EVI5: variants seen among roughly 807,000 people sequenced by gnomAD.
EVI5 encodes ecotropic viral integration site 5.
EVI5 carries 73 observed loss-of-function variants against 112.0 expected under a neutral mutation model. The observed-to-expected ratio is 0.65, with a 90% CI of 0.54 to 0.79. The LOEUF (loss-of-function observed/expected upper bound fraction) is 0.79. Among genes scored for constraint, EVI5 ranks in the 30% least tolerant of loss-of-function variants. The probability of loss-of-function intolerance (pLI) is 0.00; values close to 1 mark genes in which losing one functional copy is unlikely to be tolerated. For missense variants in EVI5, 900 were observed against 968.8 expected (o/e 0.93, Z 0.94); for synonymous variants, 305 against 319.9 (o/e 0.95, Z 0.50).
chr1:92,578,545 A>C (rs1269539056), intron 18 of EVI5, among the ~76,000 whole-genome samples: 7 of 151,980 alleles, frequency 4.6e-5, no homozygotes, highest in South Asian at 4.2e-4. Context: ...GAAACCCCGT[A>C]TCTACTAAAC....
intron 18 of EVI5, among the ~76,000 whole-genome samples, chr1:92,597,042 G>A (rs1474527900): frequency 2.6e-5 from 4 of 152,044 alleles, no homozygotes; most frequent in Admixed American, 2.0e-4. Context: ...CCTCAGTTTT[G>A]AATGAGTGAA....
At chr1:92,757,751 A>G (rs1681163893) in intron 1 of EVI5, among the ~76,000 whole-genome samples, 3 of 151,812 alleles carry the variant, frequency 2.0e-5, no homozygotes, top group African/African-American at 7.3e-5. Flanking sequence ...AAGATACAAA[A>G]ATTAGCCAGG....
chr1:92,527,006 G>A (rs1210866128), intron 19 of EVI5, among the ~76,000 whole-genome samples: 1 of 152,150 alleles, frequency 6.6e-6, no homozygotes, highest in Admixed American at 6.5e-5. Flanking sequence ...CTGTAACTCT[G>A]ACTGTCCCCC....
intron 2 of EVI5, among the ~76,000 whole-genome samples, chr1:92,729,387 C>A (rs140522218): frequency 6.6e-6 from 1 of 152,146 alleles, no homozygotes; most frequent in African/African-American, 2.4e-5. Context: ...TAAGGGGGGA[C>A]TACTATATAG....
At chr1:92,694,634 G>A (rs1670020563) in intron 7 of EVI5, among the ~76,000 whole-genome samples, 1 of 152,198 alleles carries the variant, frequency 6.6e-6, no homozygotes, top group African/African-American at 2.4e-5. Context: ...GGGCAGGGTT[G>A]TGTTCTAGGA....
chr1:92,686,422 A>C (rs1478316223), intron 9 of EVI5, among the ~76,000 whole-genome samples: 2 of 152,214 alleles, frequency 1.3e-5, no homozygotes, highest in Non-Finnish European at 2.9e-5. Flanking sequence ...TTTATGACAA[A>C]CCCATAGCCA....
intron 6 of EVI5, 48 bp downstream of exon 6, chr1:92,697,812 T>A (rs749705677): frequency 1.3e-6 from 2 of 1,501,620 alleles, no homozygotes; most frequent in East Asian, 2.3e-5. Flanking sequence ...GAACAAGATA[T>A]AAAAAATATA....
intron 19 of EVI5, among the ~76,000 whole-genome samples, chr1:92,522,404 A>G (rs966793857): frequency 9.2e-5 from 14 of 152,038 alleles, no homozygotes; most frequent in African/African-American, 1.7e-4. Context: ...TTGGGAGGCC[A>G]AGGCAGAAGG....
intron 19 of EVI5, among the ~76,000 whole-genome samples, chr1:92,555,705 C>G (rs1228732723): frequency 6.6e-6 from 1 of 151,958 alleles, no homozygotes; most frequent in Non-Finnish European, 1.5e-5. Context: ...AAAAAATTAA[C>G]CAGGTGTGGC....
Position 92,633,283 on chromosome 1 carries a change from T to A in EVI5, c.1527+2919A>T, listed in dbSNP as rs574396405. On this transcript the variant is annotated intron_variant, in intron 14 of 19. Transcript: ENST00000684568. ...ATGTTGACAGTGGGGTGTTAAAGTC[T>A]CCCATTATTATTGTGTGGGAGTCTA... is the stretch of plus-strand genomic sequence containing the variant. Among the ~76,000 whole-genome samples the A allele has an allele frequency of 2.0e-5, 3 of 152,322 alleles. No individual in the cohort carries two copies. In the South Asian group the frequency reaches 6.2e-4, roughly 32 times the overall value.
At chr1:92,703,244 T>A (rs1344356246) in intron 4 of EVI5, 151 bp downstream of exon 4, 3 of 589,022 alleles carry the variant, frequency 5.1e-6, no homozygotes, top group Non-Finnish European at 8.9e-6. Flanking sequence ...TAATGTAGCA[T>A]AAGAATTAAG....
intron 9 of EVI5, among the ~76,000 whole-genome samples, chr1:92,687,050 A>C (rs1211348930): frequency 6.6e-6 from 1 of 152,238 alleles, no homozygotes; most frequent in Non-Finnish European, 1.5e-5. Context: ...TTTAAAGTTC[A>C]TATGGAACCA....
chr1:92,691,713 G>T (rs1486792755), intron 9 of EVI5, among the ~76,000 whole-genome samples: 3 of 152,024 alleles, frequency 2.0e-5, no homozygotes, highest in African/African-American at 7.2e-5. Flanking sequence ...GGAAGAGATG[G>T]AAATGAGTAA....
intron 1 of EVI5, among the ~76,000 whole-genome samples, chr1:92,744,598 TCTCACA>T (rs1553263744): frequency 0.35 from 19,890 of 57,086 alleles, 1,678 homozygotes; most frequent in Non-Finnish European, 0.45. Context: ...TCTCTCTCTC[TCTCACA>T]CACACACACA....
At position 92,677,224 on chromosome 1, in the gene EVI5, A is replaced by G. The variant is rs766176004; in HGVS notation, c.1098-6T>C. The G allele has an allele frequency of 6.6e-7, 1 of 1,505,416 alleles. No individual in the cohort carries two copies. The highest frequency in any genetic ancestry group is 1.2e-5 in the South Asian group (1 of 82,156). The allele number at this position is 1,505,416 out of a possible 1,614,324, so 93.3% of individuals were successfully genotyped here. Reference sequence around the variant, plus strand: ...TAGTGTATTCCTTTTCAAGCCTAAGAAAGGAAAAAAAAAGAGTTAAAGGTA... The same window carrying G: ...TAGTGTATTCCTTTTCAAGCCTAAGGAAGGAAAAAAAAAGAGTTAAAGGTA... On this transcript the variant is annotated splice_region_variant and splice_polypyrimidine_tract_variant and intron_variant, in intron 9 of 19. Coordinates refer to ENST00000684568, the MANE Select transcript of EVI5 (RefSeq NM_001350197.2).
At chr1:92,650,050 C>G (rs112530957) in intron 13 of EVI5, among the ~76,000 whole-genome samples, 3 of 152,250 alleles carry the variant, frequency 2.0e-5, no homozygotes, top group African/African-American at 7.2e-5. Flanking sequence ...ATGTGTCTAT[C>G]CTTATGCCAG....
chr1:92,539,416 G>A (rs970248569), intron 19 of EVI5, among the ~76,000 whole-genome samples: 3 of 151,546 alleles, frequency 2.0e-5, no homozygotes, highest in Non-Finnish European at 4.4e-5. Flanking sequence ...AGTGGCGGGC[G>A]CCTGTAGTCC....
intron 17 of EVI5, among the ~76,000 whole-genome samples, chr1:92,606,314 G>A (rs1038023290): frequency 6.6e-6 from 1 of 152,120 alleles, no homozygotes; most frequent in Non-Finnish European, 1.5e-5. Context: ...CATTTGAGGA[G>A]CAATATTTAA....
intron 9 of EVI5, among the ~76,000 whole-genome samples, chr1:92,688,299 C>T (rs868128607): frequency 7.2e-5 from 11 of 152,082 alleles, no homozygotes; most frequent in African/African-American, 2.2e-4. Context: ...AACCAAACAC[C>T]GCATGCTCTC....
Sources: gnomAD v4.1 joint callset for allele counts (sites outside exome capture counted in the v4.1 genomes callset) on GRCh38, gnomAD v4.1.1 for gene constraint, MANE v1.5 for transcripts, NCBI Gene and HGNC (gene_info 2026-07-23, HGNC 2026-07-21) for gene names.